Variants in LRRN4 observed in about 807,000 individuals in gnomAD.
The protein encoded by LRRN4 is leucine rich repeat neuronal 4.
In LRRN4, 26 loss-of-function variants were observed where a neutral mutation model predicts 22.3. The ratio of observed to expected loss-of-function variants is 1.16; its 90% CI spans 0.85 to 1.62. The LOEUF (loss-of-function observed/expected upper bound fraction) is 1.62. Among genes scored for constraint, LRRN4 ranks in the 40% most tolerant of loss-of-function variants. The pLI, the probability that LRRN4 is intolerant of heterozygous loss-of-function variation, is 0.00. For missense variants in LRRN4, 1,070 were observed against 1,008.5 expected, an observed-to-expected ratio of 1.06 and a Z score of -0.83; for synonymous variants, 496 against 486.2, an observed-to-expected ratio of 1.02 and a Z score of -0.26.
intron 3 of LRRN4, among the ~76,000 whole-genome samples, chr20:6,048,467 A>G (rs891773132): frequency 1.3e-5 from 2 of 152,198 alleles, no homozygotes; most frequent in Non-Finnish European, 2.9e-5. Flanking sequence ...TGTTTAAGGT[A>G]TCAGATGTGG....
At chr20:6,049,854 GCACCAACAGCCTTCATCATCACCAT>G (rs1981204177) in intron 3 of LRRN4, among the ~76,000 whole-genome samples, 1 of 151,988 alleles carries the variant, frequency 6.6e-6, no homozygotes, top group Admixed American at 6.6e-5. Flanking sequence ...ATTATAATTA[GCACCAACAGCCTTCATCATCACCAT>G]CACCATCACT....
At chr20:6,045,983 A>G (rs1219827308) in intron 3 of LRRN4, among the ~76,000 whole-genome samples, 1 of 149,228 alleles carries the variant, frequency 6.7e-6, no homozygotes, top group East Asian at 2.0e-4. Context: ...TCACAAGGCC[A>G]AGCCCAGCTT....
rs1341316425 is a variant in LRRN4 at position 6,041,204 on chromosome 20, C to T, written c.2041G>A (p.Ala681Thr). ...GCGCACAGCCCAGAGAGCAGGAGCGCGAAGCTGGGCTTGGTGGTGAAGGCG... is the reference window on the plus strand; with the variant it reads ...GCGCACAGCCCAGAGAGCAGGAGCGTGAAGCTGGGCTTGGTGGTGAAGGCG... ...CAAFTTKPSF[A>T]LLLSGLCAAS... is the part of the protein sequence containing the mutation. The change falls in exon 5 of 5, where the codon GCG becomes ACG. Residue 681 changes from alanine to threonine, a missense_variant. By Grantham distance (58) the Ala-to-Thr change is moderately conservative (BLOSUM62 0). Coordinates refer to ENST00000378858, the MANE Select transcript of LRRN4 (RefSeq NM_152611.5). The surrounding 1 kb of genome is among the most constrained non-coding windows in gnomAD (Gnocchi z 9.4). 3.1e-6 allele frequency: 5 copies of T among 1,588,082 alleles called. No individual in the cohort carries two copies. Among genetic ancestry groups the T allele is most frequent in the Admixed American group, 1.7e-5 (1 of 57,684 alleles).
chr20:6,048,865 A>G (rs1429856342), intron 3 of LRRN4, among the ~76,000 whole-genome samples: 1 of 152,216 alleles, frequency 6.6e-6, no homozygotes, highest in Non-Finnish European at 1.5e-5. Context: ...GGAGTAGTGC[A>G]TAGGGTGACA....
chr20:6,046,823 G>A (rs1981110796), intron 3 of LRRN4, among the ~76,000 whole-genome samples: 1 of 148,852 alleles, frequency 6.7e-6, no homozygotes, highest in Admixed American at 6.7e-5. Flanking sequence ...GTGTATATAT[G>A]TATATATGCG....
Position 6,052,669 on chromosome 20 carries a change from G to A in LRRN4, c.131C>T (p.Thr44Ile). ...GGGCAGCCCCTCGCAGGGCGAGTCG[G>A]TGGCGTTGCTGCCACTGCTCCCCCA... is the stretch of plus-strand genomic sequence containing the variant. The part of the protein sequence containing the change: ...GPWGSSGSNA[T>I]DSPCEGLPAA... The change falls in exon 2 of 5, where the codon ACC (threonine) becomes ATC (isoleucine). Residue 44 changes from threonine (T) to isoleucine (I), a missense_variant. Thr to Ile is a moderately conservative substitution (Grantham distance 89). Transcript: ENST00000378858. The A allele has an allele frequency of 6.3e-7, 1 of 1,579,710 alleles. No homozygotes were observed. Among genetic ancestry groups the A allele is most frequent in the South Asian group, 1.1e-5 (1 of 88,098 alleles).
At chr20:6,052,056 G>C (rs1981259513) in intron 2 of LRRN4, 89 bp downstream of exon 2, 1 of 1,445,612 alleles carries the variant, frequency 6.9e-7, no homozygotes. Flanking sequence ...GTCACCCCTC[G>C]AGGAAGAACG....
In LRRN4 at chr20:6,042,067, G is replaced by A. The variant is rs202048241; in HGVS notation, c.1178C>T (p.Ala393Val). 4.5e-5 allele frequency: 72 copies of A among 1,614,062 alleles called. 1 individual carries two copies. In the East Asian group the frequency reaches 1.6e-3, roughly 35 times the overall value. The change falls in exon 5 of 5, where the codon GCA becomes GTA. Residue 393 changes from alanine to valine, a missense_variant. Physicochemically the swap from Ala to Val is moderately conservative, Grantham distance 64 (BLOSUM62 0). Transcript: ENST00000378858. ...TCCCGCAGGCCGGGTGGCGGGGGCT[G>A]CGCTGGGCGCGACGGTGGTACCCTG... ...YAQGTTVAPS[A>V]APATRPAGDQ...
Position 6,041,254 on chromosome 20 carries a change from G to T in LRRN4, c.1991C>A (p.Ser664Tyr). The change falls in exon 5 of 5, where the codon TCT becomes TAT. Residue 664 changes from serine to tyrosine, a missense_variant. By Grantham distance (144) the Ser-to-Tyr change is moderately radical (BLOSUM62 -2). Transcript: ENST00000378858. The surrounding 1 kb of genome is among the most constrained non-coding windows in gnomAD (Gnocchi z 9.4). ...GGCGCACGGGCTCCTCCAGCCCGAA[G>T]ACCGTGGCTGGCTCAAGCCCGCCCT... is the stretch of plus-strand genomic sequence containing the variant. ...ANRAGLSQPRSSGWRSPCAAF... is the reference protein window; with the variant it reads ...ANRAGLSQPRYSGWRSPCAAF... 1 of 1,584,440 alleles carries T rather than the reference G, an allele frequency of 6.3e-7. No homozygotes were observed. The highest frequency in any genetic ancestry group is 1.1e-5 in the South Asian group (1 of 88,434).
intron 3 of LRRN4, among the ~76,000 whole-genome samples, chr20:6,045,728 G>T (rs1981084810): frequency 6.7e-6 from 1 of 148,856 alleles, no homozygotes; most frequent in East Asian, 2.0e-4. Context: ...TGGCTCAGTG[G>T]TTCTTGTGGT....
chr20:6,052,849 C>T (rs1488102353), intron 1 of LRRN4, 45 bp from the exon 2 acceptor site: 2 of 1,500,586 alleles, frequency 1.3e-6, no homozygotes, highest in Non-Finnish European at 1.8e-6. Context: ...ACAGGAACCC[C>T]CGCACAAAGA....
Position 6,043,766 on chromosome 20 carries a change from C to T in LRRN4, c.998+777G>A, listed in dbSNP as rs140687748. ...ACAAAAAGATTAAAAAAAAATTAGC[C>T]GGGTGTGGTGGCTTGCACCTCTGGT... On this transcript the variant is annotated intron_variant, in intron 4 of 4. Transcript: ENST00000378858. 2.0e-3 allele frequency among the ~76,000 whole-genome samples: 306 copies of T among 152,110 alleles called. 2 individuals carry two copies. The highest frequency in any genetic ancestry group is 7.2e-3 in the African/African-American group (298 of 41,496).
At chr20:6,043,849 A>T (rs1391639789) in intron 4 of LRRN4, among the ~76,000 whole-genome samples, 1 of 152,016 alleles carries the variant, frequency 6.6e-6, no homozygotes, top group Non-Finnish European at 1.5e-5. Flanking sequence ...TTGAGGCTGT[A>T]ATGAGATATG....
At chr20:6,042,918 C>CAAA (rs11482044) in intron 4 of LRRN4, among the ~76,000 whole-genome samples, 23 of 124,202 alleles carry the variant, frequency 1.9e-4, no homozygotes, top group African/African-American at 3.8e-4. Flanking sequence ...GACTCTGTCT[C>CAAA]AAAAAAAAAA....
At chr20:6,044,511 G>A in intron 4 of LRRN4, 32 bp downstream of exon 4, 2 of 1,460,634 alleles carry the variant, frequency 1.4e-6, no homozygotes, top group Non-Finnish European at 9.1e-7. Context: ...CTGACCCTCT[G>A]CCCTCAGCCA....
chr20:6,041,514 G>C lies in LRRN4; in HGVS notation c.1731C>G (p.Asp577Glu), dbSNP rs1455957907. ...GCAGCCTGGGCGGGTCTGGGATGGTGTCTTCCCCGCTGAGGCCGGGGCACC... is the reference window on the plus strand; with the variant it reads ...GCAGCCTGGGCGGGTCTGGGATGGTCTCTTCCCCGCTGAGGCCGGGGCACC... ...RCRCPGLSGE[D>E]TIPDPPRLQG... is the part of the protein sequence containing the mutation. The change falls in exon 5 of 5, where the codon GAC becomes GAG. Residue 577 changes from aspartate (D) to glutamate (E), a missense_variant. Coordinates refer to ENST00000378858, the MANE Select transcript of LRRN4 (RefSeq NM_152611.5). This position sits in a 1 kb window ranked among gnomAD's most constrained non-coding sequence, Gnocchi z 9.4. The C allele has an allele frequency of 1.9e-6, 3 of 1,558,308 alleles. No homozygotes were observed. The African/African-American group carries it at 4.1e-5, about 21-fold the overall frequency.
chr20:6,052,590 G>C lies in LRRN4; in HGVS notation c.210C>G (p.Pro70=), dbSNP rs762523621. Residue 70 remains proline (P), a synonymous_variant, in exon 2 of 5, where the codon CCC becomes CCG. Transcript: ENST00000378858. Reference sequence around the variant, plus strand: ...TGCGCAGTGTGCGCGGTAGGCAGCCGGGCAGGCGCTCCAGGTTGCGGTTCG... The same window carrying C: ...TGCGCAGTGTGCGCGGTAGGCAGCCCGGCAGGCGCTCCAGGTTGCGGTTCG... ...TLANRNLERL[P]GCLPRTLRSL... 2 of 1,584,456 alleles carry C rather than the reference G, an allele frequency of 1.3e-6. No homozygotes were observed. The highest frequency in any genetic ancestry group is 1.7e-5 in the Admixed American group (1 of 57,340).
chr20:6,048,673 G>T (rs535217993), intron 3 of LRRN4, among the ~76,000 whole-genome samples: 1 of 152,248 alleles, frequency 6.6e-6, no homozygotes, highest in South Asian at 2.1e-4. Flanking sequence ...CAGTACAACA[G>T]GTTCGTGTTA....
At chr20:6,048,821 G>T (rs923259426) in intron 3 of LRRN4, among the ~76,000 whole-genome samples, 1 of 152,162 alleles carries the variant, frequency 6.6e-6, no homozygotes, top group Non-Finnish European at 1.5e-5. Context: ...AGATGGAGGA[G>T]GACGCATTAG....
Sources: allele counts gnomAD v4.1 joint callset (sites outside exome capture counted in the v4.1 genomes callset), GRCh38; gene constraint gnomAD v4.1.1; non-coding constraint Gnocchi (gnomAD v3.1); transcripts MANE v1.5; gene names NCBI Gene and HGNC (gene_info 2026-07-23, HGNC 2026-07-21).